SORCS2: variants seen among roughly 807,000 people sequenced by gnomAD.
SORCS2 encodes sortilin related VPS10 domain containing receptor 2, also known as VPS10 domain-containing receptor SorCS2.
A neutral mutation model predicts 141.6 loss-of-function variants in SORCS2; 100 were observed. The observed-to-expected ratio is 0.71, with a 90% CI of 0.60 to 0.83. SORCS2 has a LOEUF of 0.83. SORCS2 is among the 40% of genes least tolerant of loss of function. The pLI, the probability that SORCS2 is intolerant of heterozygous loss-of-function variation, is 0.00. For missense variants in SORCS2, 1,646 were observed against 1,560.2 expected, an observed-to-expected ratio of 1.05 and a Z score of -0.93; for synonymous variants, 789 against 676.9, an observed-to-expected ratio of 1.17 and a Z score of -2.57.
intron 26 of SORCS2, among the ~76,000 whole-genome samples, chr4:7,737,935 A>G (rs886896663): frequency 5.9e-5 from 9 of 152,164 alleles, no homozygotes; most frequent in Admixed American, 4.6e-4. Context: ...CGACCGGGAC[A>G]CCTGCACATG....
At chr4:7,471,379 C>T (rs571745071) in intron 2 of SORCS2, among the ~76,000 whole-genome samples, 29 of 152,346 alleles carry the variant, frequency 1.9e-4, no homozygotes, top group Admixed American at 1.1e-3. Flanking sequence ...AATCCTCAGA[C>T]GCGGCCAGGT....
intron 2 of SORCS2, among the ~76,000 whole-genome samples, chr4:7,463,362 T>G (rs752996473): frequency 1.4e-4 from 22 of 151,994 alleles, no homozygotes; most frequent in Admixed American, 2.6e-4. Flanking sequence ...AAGGGAATGG[T>G]TATTTGACTT....
chr4:7,385,832 A>G (rs1190626000), intron 1 of SORCS2, among the ~76,000 whole-genome samples: 1 of 152,232 alleles, frequency 6.6e-6, no homozygotes, highest in Non-Finnish European at 1.5e-5. Flanking sequence ...GATTGGGACC[A>G]GATGTCTGAA....
At chr4:7,267,845 C>T (rs1577339421) in intron 1 of SORCS2, among the ~76,000 whole-genome samples, 2 of 152,150 alleles carry the variant, frequency 1.3e-5, no homozygotes, top group Admixed American at 1.3e-4. Context: ...AAAAAAAATA[C>T]CAGCTTGTCT....
At chr4:7,715,648 C>T (rs189967932) in intron 17 of SORCS2, among the ~76,000 whole-genome samples, 2 of 152,202 alleles carry the variant, frequency 1.3e-5, no homozygotes, top group African/African-American at 4.8e-5. Context: ...GTCCAAGGTG[C>T]CCATGGCTCA....
Position 7,433,368 on chromosome 4 carries a change from G to T in SORCS2, c.548+37013G>T. The T allele has an allele frequency of 2.1e-6, 3 of 1,463,152 alleles. No homozygotes were observed. The South Asian group carries it at 4.5e-5, about 22-fold the overall frequency. 90.6% of individuals were successfully genotyped at this position (1,463,152 alleles called of 1,614,324 possible). ...TCTCTTTCCATACATGCTTCTGGCAGTGTTGCACAGCGTTGCACAGCTTGG... is the reference window on the plus strand; with the variant it reads ...TCTCTTTCCATACATGCTTCTGGCATTGTTGCACAGCGTTGCACAGCTTGG... On this transcript the variant is annotated intron_variant, in intron 2 of 26. Transcript: ENST00000507866.
chr4:7,613,566 C>T (rs1177611078), intron 3 of SORCS2, among the ~76,000 whole-genome samples: 2 of 152,138 alleles, frequency 1.3e-5, no homozygotes, highest in Non-Finnish European at 2.9e-5. Flanking sequence ...AGAAAGTGGC[C>T]CACTAAAGAA....
At chr4:7,245,543 G>A (rs1713026341) in intron 1 of SORCS2, among the ~76,000 whole-genome samples, 1 of 152,218 alleles carries the variant, frequency 6.6e-6, no homozygotes, top group Non-Finnish European at 1.5e-5. Flanking sequence ...ATTCCTCAGG[G>A]TCTTTGGTTT....
intron 1 of SORCS2, among the ~76,000 whole-genome samples, chr4:7,281,458 G>A (rs995219209): frequency 5.3e-5 from 8 of 152,086 alleles, no homozygotes; most frequent in African/African-American, 9.7e-5. Flanking sequence ...TGCCTGCTGC[G>A]TCCCCTCCGC....
intron 1 of SORCS2, among the ~76,000 whole-genome samples, chr4:7,255,845 G>T (rs150939504): frequency 4.8e-5 from 7 of 146,042 alleles, no homozygotes; most frequent in Non-Finnish European, 6.0e-5. Flanking sequence ...GGGTTGGTGC[G>T]TGGGGACCCG....
At chr4:7,517,696 C>A (rs147746619) in intron 2 of SORCS2, among the ~76,000 whole-genome samples, 2 of 152,128 alleles carry the variant, frequency 1.3e-5, no homozygotes, top group Non-Finnish European at 2.9e-5. Context: ...TTTTAAAAAG[C>A]TGCATGGAGG....
intron 2 of SORCS2, among the ~76,000 whole-genome samples, chr4:7,453,249 G>T (rs1014049933): frequency 7.8e-5 from 10 of 128,906 alleles, no homozygotes; most frequent in Admixed American, 1.5e-4. Flanking sequence ...TTGGGGTCAG[G>T]TGCTGTGTTG....
At chr4:7,562,774 C>G (rs1208851136) in intron 3 of SORCS2, among the ~76,000 whole-genome samples, 3 of 152,178 alleles carry the variant, frequency 2.0e-5, no homozygotes, top group African/African-American at 7.2e-5. Context: ...CTGATGGTTA[C>G]TGGCAGTCCT....
Position 7,302,769 on chromosome 4 carries a change from A to ATGTGTGTGTGTG in SORCS2, c.481-93510_481-93499dup, listed in dbSNP as rs138338129. 4.5e-3 allele frequency among the ~76,000 whole-genome samples: 652 copies of ATGTGTGTGTGTG among 145,806 alleles called. 3 individuals carry two copies. Among genetic ancestry groups the ATGTGTGTGTGTG allele is most frequent in the Middle Eastern group, 0.01 (3 of 286 alleles). On this transcript the variant is annotated intron_variant, in intron 1 of 26. Coordinates refer to ENST00000507866, the MANE Select transcript of SORCS2 (RefSeq NM_020777.3). ...CCGGCATCTAGTAGACAGTCCACAT[A>ATGTGTGTGTGTG]TGTGTGTGTGTGTGTGTGTGCGCGC...
intron 14 of SORCS2, among the ~76,000 whole-genome samples, chr4:7,705,802 G>A (rs1182926109): frequency 2.0e-5 from 3 of 152,252 alleles, no homozygotes; most frequent in African/African-American, 4.8e-5. Flanking sequence ...ATGCCCCAGA[G>A]GGGCCCACGT....
intron 2 of SORCS2, among the ~76,000 whole-genome samples, chr4:7,520,688 G>C (rs1272118813): frequency 6.6e-6 from 1 of 152,216 alleles, no homozygotes; most frequent in East Asian, 1.9e-4. Context: ...GCCCCTGTGG[G>C]TTCAGACACA....
intron 16 of SORCS2, 77 bp from the exon 17 acceptor site, chr4:7,715,106 C>G (rs1726099403): frequency 1.3e-6 from 2 of 1,583,812 alleles, no homozygotes; most frequent in Admixed American, 1.7e-5. Context: ...TCAGCTCCCC[C>G]AGATTTCACC....
intron 1 of SORCS2, among the ~76,000 whole-genome samples, chr4:7,271,819 C>T (rs375960832): frequency 3.9e-5 from 6 of 152,178 alleles, no homozygotes; most frequent in South Asian, 2.1e-4. Context: ...TGCCGGGGCC[C>T]GAGACAGCAG....
intron 2 of SORCS2, among the ~76,000 whole-genome samples, chr4:7,482,791 CT>C (rs1159330111): frequency 5.2e-4 from 68 of 131,744 alleles, no homozygotes; most frequent in Non-Finnish European, 8.3e-4. Context: ...ACACCCCTGG[CT>C]GCTGTTCAGA....
Sources: allele counts gnomAD v4.1 joint callset (sites outside exome capture counted in the v4.1 genomes callset), GRCh38; gene constraint gnomAD v4.1.1; transcripts MANE v1.5; gene names NCBI Gene and HGNC (gene_info 2026-07-23, HGNC 2026-07-21).